The following TSPAN32 variants were observed in gnomAD, a reference collection of about 807,000 sequenced individuals.
TSPAN32 encodes tetraspanin 32, also known as tetraspanin-32.
Under a neutral mutation model 42.7 loss-of-function variants are expected in TSPAN32, and 47 were observed. The ratio of observed to expected loss-of-function variants is 1.10; its 90% CI spans 0.87 to 1.40. The LOEUF (loss-of-function observed/expected upper bound fraction) is 1.40, where lower values mean the gene tolerates loss of function less well. TSPAN32 is among the 40% of genes most tolerant of loss of function. TSPAN32 has a pLI of 0.00. For synonymous variants in TSPAN32, 175 were observed against 175.9 expected (o/e 0.99, Z 0.04); for missense variants, 469 against 424.1 (o/e 1.11, Z -0.93).
At chr11:2,310,356 A>G (rs1466567782) in intron 4 of TSPAN32, among the ~76,000 whole-genome samples, 2 of 152,170 alleles carry the variant, frequency 1.3e-5, no homozygotes, top group Non-Finnish European at 2.9e-5. Flanking sequence ...AAGAAGATAG[A>G]TGCCCCAGCC....
In TSPAN32 at chr11:2,317,769, T is replaced by C. The variant is rs1848891793; in HGVS notation, c.902-94T>C. The stretch of plus-strand genomic sequence containing the variant: ...ACTGGTGGCCCACGGCCTGGAGGGC[T>C]CCACCCAGACACAAGCTGCACTGGT... On this transcript the variant is annotated intron_variant, in intron 9 of 9. Transcript: ENST00000182290. This position sits in a 1 kb window ranked among gnomAD's most constrained non-coding sequence, Gnocchi z 6.2. 6.4e-7 allele frequency: 1 copy of C among 1,555,784 alleles called. No homozygotes were observed. The highest frequency in any genetic ancestry group is 8.6e-7 in the Non-Finnish European group (1 of 1,157,866).
In TSPAN32 at chr11:2,302,142, G is replaced by A. The variant is rs1457631842; in HGVS notation, c.-8G>A. ...GGGAGGGGAGGAGAGGAGAGGAGAGGAACCGTCATGGGGCCTTGGAGTCGA... is the reference window on the plus strand; with the variant it reads ...GGGAGGGGAGGAGAGGAGAGGAGAGAAACCGTCATGGGGCCTTGGAGTCGA... On this transcript the variant is annotated 5_prime_UTR_variant, in exon 1 of 10. Transcript: ENST00000182290. 1 of 1,469,036 alleles carries A rather than the reference G, an allele frequency of 6.8e-7. No homozygotes were observed. The highest frequency in any genetic ancestry group is 9.0e-7 in the Non-Finnish European group (1 of 1,109,588). 91.0% of individuals were successfully genotyped at this position (1,469,036 alleles called of 1,614,324 possible).
chr11:2,313,589 G>A lies in TSPAN32; in HGVS notation c.355-65G>A, dbSNP rs1210383750. The A allele has an allele frequency of 7.6e-7, 1 of 1,322,720 alleles. No individual in the cohort carries two copies. The highest frequency in any genetic ancestry group is 1.5e-5 in the African/African-American group (1 of 68,448). The allele number at this position is 1,322,720 out of a possible 1,614,324, so 81.9% of individuals were successfully genotyped here. ...GCCCACTAGCGTTTGGGATGTCGTG[G>A]GGAGGGGGCTGTGTCCCCGGATCTC... On this transcript the variant is annotated intron_variant, in intron 4 of 9. Coordinates refer to ENST00000182290, the MANE Select transcript of TSPAN32 (RefSeq NM_139022.3). This position sits in a 1 kb window ranked among gnomAD's most constrained non-coding sequence, Gnocchi z 9.1.
chr11:2,316,164 G>A, intron 6 of TSPAN32, 65 bp from the exon 7 acceptor site: 1 of 1,513,376 alleles, frequency 6.6e-7, no homozygotes, highest in Non-Finnish European at 8.9e-7. Context: ...TGGCCCCACA[G>A]AGGCCGCTTG....
chr11:2,313,782 G>A lies in TSPAN32; in HGVS notation c.456+27G>A. Reference sequence around the variant, plus strand: ...TGAGCGTGGGGACGGCTGGGTGGCAGGGCGGTCAGCTTCTGCTTGGACTGC... The same window carrying A: ...TGAGCGTGGGGACGGCTGGGTGGCAAGGCGGTCAGCTTCTGCTTGGACTGC... On this transcript the variant is annotated intron_variant, in intron 5 of 9. Transcript: ENST00000182290. The surrounding 1 kb of genome is among the most constrained non-coding windows in gnomAD (Gnocchi z 9.1). The A allele has an allele frequency of 6.5e-7, 1 of 1,547,048 alleles. No homozygotes were observed. Among genetic ancestry groups the A allele is most frequent in the Non-Finnish European group, 8.7e-7 (1 of 1,145,198 alleles).
In TSPAN32 at chr11:2,317,355, G is replaced by T. The variant is rs756322762; in HGVS notation, c.731G>T (p.Arg244Leu). 5.0e-6 allele frequency: 8 copies of T among 1,591,038 alleles called. No homozygotes were observed. Residue 244 changes from arginine to leucine, a missense_variant, in exon 9 of 10, where the codon CGC becomes CTC. Coordinates refer to ENST00000182290, the MANE Select transcript of TSPAN32 (RefSeq NM_139022.3). The surrounding 1 kb of genome is among the most constrained non-coding windows in gnomAD (Gnocchi z 6.2). ...KYTLTPRACG[R>L]QPQEPSLLRC... ...CCCTTGCTCCTCAGAGCATGTGGCC[G>T]CCAGCCCCAGGAGCCCAGCCTCTTG...
In TSPAN32 at chr11:2,314,579, G is replaced by A. The variant is rs191604436; in HGVS notation, c.543+8G>A. The A allele has an allele frequency of 3.2e-4, 512 of 1,601,982 alleles. 2 individuals carry two copies. The highest frequency in any genetic ancestry group is 1.3e-4 in the Non-Finnish European group (157 of 1,174,456). ...GAGGAGGCGGCGAGAGAGGTGAGGG[G>A]GGGACCTGGATGCTGGCCAGGCAAG... On this transcript the variant is annotated splice_region_variant and intron_variant, in intron 6 of 9. Coordinates refer to ENST00000182290, the MANE Select transcript of TSPAN32 (RefSeq NM_139022.3).
chr11:2,316,816 C>G (rs1848827957), intron 8 of TSPAN32, 149 bp downstream of exon 8: 12 of 866,452 alleles, frequency 1.4e-5, no homozygotes, highest in Non-Finnish European at 2.0e-5. Context: ...TGGCTGAGCA[C>G]CAGGGTGGGG....
At chr11:2,315,725 A>G in intron 6 of TSPAN32, 1 of 1,213,804 alleles carries the variant, frequency 8.2e-7, no homozygotes, top group Non-Finnish European at 1.1e-6. Flanking sequence ...TTCTGAAAAG[A>G]TGCCTCTGGG....
chr11:2,302,161 G>A lies in TSPAN32; in HGVS notation c.12G>A (p.Trp4Ter), dbSNP rs1847788153. Residue 4 changes from tryptophan (W) to a stop codon, truncating the protein, a stop_gained, in exon 1 of 10, where the codon TGG becomes TGA. Coordinates refer to ENST00000182290, the MANE Select transcript of TSPAN32 (RefSeq NM_139022.3). LOFTEE classifies it high-confidence loss of function. The part of the protein sequence containing the change: MGP[W>*]SRVRVAKCQM... ...GGAGAGGAACCGTCATGGGGCCTTG[G>A]AGTCGAGTCAGGGTTGCCAAATGCC... 2.1e-6 allele frequency: 3 copies of A among 1,441,246 alleles called. No individual in the cohort carries two copies. Among genetic ancestry groups the A allele is most frequent in the African/African-American group, 2.9e-5 (2 of 69,566 alleles). The allele number at this position is 1,441,246 out of a possible 1,614,324, so 89.3% of individuals were successfully genotyped here.
chr11:2,317,564 G>A lies in TSPAN32; in HGVS notation c.901+39G>A, dbSNP rs1417485481. The A allele has an allele frequency of 1.3e-6, 2 of 1,543,574 alleles. No individual in the cohort carries two copies. Among genetic ancestry groups the A allele is most frequent in the South Asian group, 2.4e-5 (2 of 84,578 alleles). On this transcript the variant is annotated intron_variant, in intron 9 of 9. Transcript: ENST00000182290. The surrounding 1 kb of genome is among the most constrained non-coding windows in gnomAD (Gnocchi z 6.2). ...TGCTGTCAGCCCTCATGGGATCCCT[G>A]AGGGGAGGGTCCGAGCTGTGAGGAG...
At chr11:2,308,172 G>A (rs533766252) in intron 3 of TSPAN32, among the ~76,000 whole-genome samples, 1 of 152,138 alleles carries the variant, frequency 6.6e-6, no homozygotes, top group Non-Finnish European at 1.5e-5. Context: ...GGAGAACAAG[G>A]GATGAATTCC....
intron 6 of TSPAN32, chr11:2,314,910 A>G (rs1848688152): frequency 2.7e-5 from 10 of 369,264 alleles, no homozygotes; most frequent in South Asian, 2.5e-4. Flanking sequence ...AGCCTCTTGG[A>G]GTGCACCCAT....
At chr11:2,315,297 C>T (rs1848719093) in intron 6 of TSPAN32, 2 of 1,179,530 alleles carry the variant, frequency 1.7e-6, no homozygotes, top group Non-Finnish European at 2.1e-6. Flanking sequence ...GAGCAAATGG[C>T]TGGAGGCCTG....
chr11:2,312,658 C>T (rs940016991), intron 4 of TSPAN32, among the ~76,000 whole-genome samples: 5 of 152,196 alleles, frequency 3.3e-5, no homozygotes, highest in South Asian at 2.1e-4. Context: ...GGGGGCTGGG[C>T]CCCAGTGCAA....
At chr11:2,311,212 T>A (rs1324000744) in intron 4 of TSPAN32, among the ~76,000 whole-genome samples, 1 of 152,042 alleles carries the variant, frequency 6.6e-6, no homozygotes, top group Non-Finnish European at 1.5e-5. Context: ...CCCTTGGTGG[T>A]GCCCTGTGGC....
rs1329060151 is a variant in TSPAN32 at position 2,313,226 on chromosome 11, C to T, written c.355-428C>T. Among the ~76,000 whole-genome samples the T allele has an allele frequency of 6.6e-6, 1 of 152,172 alleles. No individual in the cohort carries two copies. Among genetic ancestry groups the T allele is most frequent in the African/African-American group, 2.4e-5 (1 of 41,434 alleles). ...GATTCTTGGGAAAGATCTAGAATCC[C>T]CAAGCTTTCTGGGAGCTGAGGTCCT... On this transcript the variant is annotated intron_variant, in intron 4 of 9. Coordinates refer to ENST00000182290, the MANE Select transcript of TSPAN32 (RefSeq NM_139022.3). The surrounding 1 kb of genome is among the most constrained non-coding windows in gnomAD (Gnocchi z 9.1).
At chr11:2,310,127 C>G (rs1418643955) in intron 4 of TSPAN32, 2 of 152,300 alleles carry the variant, frequency 1.3e-5, no homozygotes, top group African/African-American at 4.8e-5. Context: ...GAGGGGTGGT[C>G]TGGCTCATTT....
intron 2 of TSPAN32, chr11:2,303,354 C>A: frequency 6.0e-6 from 1 of 168,022 alleles, no homozygotes; most frequent in Non-Finnish European, 1.3e-5. Context: ...CACTCAGGAC[C>A]TGGGATGTGG....
Sources: allele counts gnomAD v4.1 joint callset (sites outside exome capture counted in the v4.1 genomes callset), GRCh38; gene constraint gnomAD v4.1.1; non-coding constraint Gnocchi (gnomAD v3.1); transcripts MANE v1.5; gene names NCBI Gene and HGNC (gene_info 2026-07-23, HGNC 2026-07-21).